The following TRIM66 variants were observed in gnomAD, a reference collection of about 807,000 sequenced individuals.
The protein encoded by TRIM66 is tripartite motif containing 66.
Under a neutral mutation model 148.2 loss-of-function variants are expected in TRIM66, and 99 were observed. The ratio of observed to expected loss-of-function variants is 0.67; its 90% CI spans 0.57 to 0.79. The LOEUF (loss-of-function observed/expected upper bound fraction) is 0.79. Among genes scored for constraint, TRIM66 ranks in the 30% least tolerant of loss-of-function variants. The probability of loss-of-function intolerance (pLI) is 0.00; values close to 1 mark genes in which losing one functional copy is unlikely to be tolerated. For missense variants in TRIM66, 1,666 were observed against 1,697.9 expected (o/e 0.98, Z 0.33); for synonymous variants, 616 against 635.9 (o/e 0.97, Z 0.47).
intron 6 of TRIM66, among the ~76,000 whole-genome samples, chr11:8,664,100 C>T (rs1200066696): frequency 6.6e-6 from 1 of 152,124 alleles, no homozygotes; most frequent in Non-Finnish European, 1.5e-5. Context: ...ATATTGTATT[C>T]TTGAAAGATG....
rs1449211954 is a variant in TRIM66, at chr11:8,619,384, T to C, written c.3899A>G (p.Tyr1300Cys). 6.8e-7 allele frequency: 1 copy of C among 1,469,274 alleles called. No homozygotes were observed. The highest frequency in any genetic ancestry group is 1.3e-5 in the South Asian group (1 of 75,998). The allele number at this position is 1,469,274 out of a possible 1,614,324, so 91.0% of individuals were successfully genotyped here. The change falls in exon 23 of 25, where the codon TAT (tyrosine) becomes TGT (cysteine). Residue 1300 changes from tyrosine (Y) to cysteine (C), a missense_variant and splice_region_variant. By Grantham distance (194) the Tyr-to-Cys change is radical. Coordinates refer to ENST00000646038, the MANE Select transcript of TRIM66 (RefSeq NM_001388022.1). ...AGAGGGAAAACAGGCAAGACATACA[T>C]AATTGAACTTAGCACAGTTCCAGAA... ...LMFWNCAKFN[Y>C]PDSEVAEAGR...
intron 6 of TRIM66, among the ~76,000 whole-genome samples, chr11:8,669,477 C>T (rs1364645934): frequency 1.3e-5 from 2 of 152,050 alleles, no homozygotes; most frequent in Non-Finnish European, 2.9e-5. Flanking sequence ...AACCCTGTCT[C>T]TACTAAAAAT....
chr11:8,658,642 C>G lies in TRIM66; in HGVS notation c.341-6739G>C, dbSNP rs571772135. On this transcript the variant is annotated intron_variant, in intron 6 of 24. Coordinates refer to ENST00000646038, the MANE Select transcript of TRIM66 (RefSeq NM_001388022.1). ...AATCCAGAATGGAATAACAGGCTCA[C>G]GCAGCAGCGGTGCCTGCACAGCCAG... 3.0e-5 allele frequency: 11 copies of G among 369,246 alleles called. 1 individual carries two copies. The South Asian group carries it at 1.2e-3, about 40-fold the overall frequency. The allele number at this position is 369,246 out of a possible 1,614,324, so 22.9% of individuals were successfully genotyped here.
chr11:8,631,282 G>C (rs1321399182), intron 15 of TRIM66, among the ~76,000 whole-genome samples: 1 of 152,170 alleles, frequency 6.6e-6, no homozygotes, highest in African/African-American at 2.4e-5. Context: ...CATGCCCTGA[G>C]TTTAATATAA....
At chr11:8,669,897 T>A (rs2038829309) in intron 6 of TRIM66, among the ~76,000 whole-genome samples, 1 of 152,142 alleles carries the variant, frequency 6.6e-6, no homozygotes, top group Admixed American at 6.5e-5. Flanking sequence ...CATATTTAGG[T>A]TTGTTATATA....
chr11:8,618,849 C>T lies in TRIM66; in HGVS notation c.4020G>A (p.Glu1340=). 2.6e-6 allele frequency: 4 copies of T among 1,551,552 alleles called. No individual in the cohort carries two copies. The South Asian group carries it at 3.6e-5, about 14-fold the overall frequency. The change falls in exon 24 of 25, where the codon GAG becomes GAA. Residue 1340 remains glutamate, a synonymous_variant. Coordinates refer to ENST00000646038, the MANE Select transcript of TRIM66 (RefSeq NM_001388022.1). ...AQPRQEDSDS[E]EVSSESGCST... ...AACATCCACTCTCACTAGACACCTCCTCGGAGTCTGAGTCCTCCTGCCTTG... is the reference window on the plus strand; with the variant it reads ...AACATCCACTCTCACTAGACACCTCTTCGGAGTCTGAGTCCTCCTGCCTTG...
chr11:8,669,316 C>T (rs1420957755), intron 6 of TRIM66, among the ~76,000 whole-genome samples: 3 of 152,174 alleles, frequency 2.0e-5, no homozygotes, highest in East Asian at 1.9e-4. Context: ...AATGGTAATA[C>T]CTTGCATCCT....
intron 20 of TRIM66, 135 bp downstream of exon 20, chr11:8,620,897 C>T: frequency 8.2e-7 from 1 of 1,219,660 alleles, no homozygotes; most frequent in Non-Finnish European, 1.1e-6. Context: ...CATTAACTCA[C>T]AGACCTGCAA....
chr11:8,631,392 C>T (rs772202052), intron 15 of TRIM66, among the ~76,000 whole-genome samples: 7 of 152,160 alleles, frequency 4.6e-5, no homozygotes, highest in Non-Finnish European at 8.8e-5. Flanking sequence ...TGAAACATAC[C>T]TCTTTCAATA....
intron 8 of TRIM66, among the ~76,000 whole-genome samples, 191 bp downstream of exon 8, chr11:8,649,549 C>G (rs1009688650): frequency 2.0e-5 from 3 of 152,182 alleles, no homozygotes; most frequent in Non-Finnish European, 4.4e-5. Flanking sequence ...CCACCCCCAC[C>G]ATCAACAGGG....
At chr11:8,682,994 G>A (rs1260017791), upstream of TRIM66, 1 of 930,518 alleles carries the variant, frequency 1.1e-6, no homozygotes. Context: ...CCGTGTGTTA[G>A]GCCCGCGGTT....
chr11:8,670,163 A>C (rs2038853677), intron 6 of TRIM66, among the ~76,000 whole-genome samples: 1 of 151,792 alleles, frequency 6.6e-6, no homozygotes, highest in Admixed American at 6.6e-5. Flanking sequence ...TAGGCACGCA[A>C]CACCATGCCC....
intron 18 of TRIM66, among the ~76,000 whole-genome samples, chr11:8,622,459 G>C (rs947356293): frequency 6.7e-6 from 1 of 148,940 alleles, no homozygotes; most frequent in African/African-American, 2.5e-5. Context: ...AGATCCTCTT[G>C]GATTTGGACT....
intron 6 of TRIM66, among the ~76,000 whole-genome samples, chr11:8,652,126 C>T (rs1019340675): frequency 1.3e-5 from 2 of 152,206 alleles, no homozygotes; most frequent in Admixed American, 6.5e-5. Context: ...TCCTCACATT[C>T]TTGTCTTTAC....
Position 8,619,378 on chromosome 11 carries a change from C to T in TRIM66, c.3900+5G>A. 6.7e-7 allele frequency: 1 copy of T among 1,495,748 alleles called. No individual in the cohort carries two copies. The highest frequency in any genetic ancestry group is 8.9e-7 in the Non-Finnish European group (1 of 1,119,836). 92.7% of individuals were successfully genotyped at this position (1,495,748 alleles called of 1,614,324 possible). ...TAGGAGAGAGGGAAAACAGGCAAGA[C>T]ATACATAATTGAACTTAGCACAGTT... On this transcript the variant is annotated splice_donor_5th_base_variant and intron_variant, in intron 23 of 24. Coordinates refer to ENST00000646038, the MANE Select transcript of TRIM66 (RefSeq NM_001388022.1).
In TRIM66 at chr11:8,672,241, T is replaced by C. The variant is rs1371540464; in HGVS notation, c.27+7A>G. ...TGGAGGCTCATGCCTCAGCCTCAGT[T>C]CCTCACCTGGGACCAAAAAGAGAGT... is the stretch of plus-strand genomic sequence containing the variant. On this transcript the variant is annotated splice_region_variant and intron_variant, in intron 5 of 24. Coordinates refer to ENST00000646038, the MANE Select transcript of TRIM66 (RefSeq NM_001388022.1). The C allele has an allele frequency of 6.5e-7, 1 of 1,535,994 alleles. No homozygotes were observed. The highest frequency in any genetic ancestry group is 2.4e-5 in the East Asian group (1 of 40,928).
chr11:8,652,308 C>A (rs1288765657), intron 6 of TRIM66, among the ~76,000 whole-genome samples: 1 of 152,124 alleles, frequency 6.6e-6, no homozygotes, highest in Non-Finnish European at 1.5e-5. Flanking sequence ...GGGCACAGTT[C>A]CAGGTCATTA....
chr11:8,625,312 T>G, intron 15 of TRIM66, 84 bp from the exon 16 acceptor site: 1 of 1,413,846 alleles, frequency 7.1e-7, no homozygotes, highest in Middle Eastern at 2.6e-4. Context: ...CCACAGGAAC[T>G]CCCATGCTCC....
intron 6 of TRIM66, among the ~76,000 whole-genome samples, chr11:8,654,950 T>G (rs527366403): frequency 8.0e-4 from 122 of 152,140 alleles, no homozygotes; most frequent in Non-Finnish European, 1.5e-3. Flanking sequence ...AACCTCCGCC[T>G]CCTGGGTTCA....
Sources: allele counts gnomAD v4.1 joint callset (sites outside exome capture counted in the v4.1 genomes callset), GRCh38; gene constraint gnomAD v4.1.1; transcripts MANE v1.5; gene names NCBI Gene and HGNC (gene_info 2026-07-23, HGNC 2026-07-21).